Variants in RNF39 observed in about 807,000 individuals in gnomAD.
The protein encoded by RNF39 is LTP (long-term potentiation) induced RING finger protein.
A neutral mutation model predicts 29.2 loss-of-function variants in RNF39; 25 were observed. That is an observed-to-expected ratio of 0.86 (90% CI 0.62 to 1.20). The LOEUF (loss-of-function observed/expected upper bound fraction) is 1.20. Ranked by LOEUF, RNF39 falls within the 50% of genes most tolerant of loss-of-function variation. The pLI, the probability that RNF39 is intolerant of heterozygous loss-of-function variation, is 0.00. For synonymous variants in RNF39, 219 were observed against 229.0 expected, an observed-to-expected ratio of 0.96 and a Z score of 0.40; for missense variants, 519 against 515.0, an observed-to-expected ratio of 1.01 and a Z score of -0.08.
chr6:30,072,565 CTGT>C lies in RNF39; in HGVS notation c.478+589_478+591del. On this transcript the variant is annotated intron_variant, in intron 3 of 3. Transcript: ENST00000244360. The surrounding 1 kb of genome is among the most constrained non-coding windows in gnomAD (Gnocchi z 4.5). ...TGAGAGGCACCTAACCTTCAGGGAT[CTGT>C]TGTTTGAATGTATGAAAAAGGAAGA... Among the ~76,000 whole-genome samples the C allele has an allele frequency of 6.6e-6, 1 of 152,112 alleles. No individual in the cohort carries two copies. Among genetic ancestry groups the C allele is most frequent in the East Asian group, 1.9e-4 (1 of 5,178 alleles).
chr6:30,073,327 G>T, intron 2 of RNF39, 79 bp from the exon 3 acceptor site: 1 of 1,498,674 alleles, frequency 6.7e-7, no homozygotes, highest in South Asian at 1.1e-5. Flanking sequence ...CACATCTCTG[G>T]AGGAAGAAGG....
At position 30,071,360 on chromosome 6, in the gene RNF39, C is replaced by T. The variant is rs1489441870; in HGVS notation, c.810G>A (p.Glu270=). ...LCPAGAVWAV[E]GRGGRLWALT... is the part of the protein sequence containing the mutation. Reference sequence around the variant, plus strand: ...GGGCCCACAGGCGGCCGCCGCGGCCCTCCACGGCCCACACGGCCCCCGCAG... The same window carrying T: ...GGGCCCACAGGCGGCCGCCGCGGCCTTCCACGGCCCACACGGCCCCCGCAG... Residue 270 remains glutamate, a synonymous_variant, in exon 4 of 4, where the codon GAG becomes GAA. Coordinates refer to ENST00000244360, the MANE Select transcript of RNF39 (RefSeq NM_025236.4). The surrounding 1 kb of genome is among the most constrained non-coding windows in gnomAD (Gnocchi z 5.0). The T allele has an allele frequency of 1.4e-6, 2 of 1,465,920 alleles. No individual in the cohort carries two copies. Among genetic ancestry groups the T allele is most frequent in the South Asian group, 1.4e-5 (1 of 70,090 alleles). 90.8% of individuals were successfully genotyped at this position (1,465,920 alleles called of 1,614,324 possible). A position where few individuals can be genotyped will look rare whatever the true frequency, so the allele number is the denominator to read the frequency against.
At position 30,070,572 on chromosome 6, in the gene RNF39, C is replaced by A; in HGVS notation, c.*539G>T. On this transcript the variant is annotated 3_prime_UTR_variant, in exon 4 of 4. Transcript: ENST00000244360. ...GGGAACTAGCTTGTCCCTCCCCACC[C>A]CCAGATCCTGCAAAAGAGGTACAAA... is the stretch of plus-strand genomic sequence containing the variant. 3.2e-6 allele frequency: 1 copy of A among 309,166 alleles called. No individual in the cohort carries two copies. Among genetic ancestry groups the A allele is most frequent in the Non-Finnish European group, 6.4e-6 (1 of 155,708 alleles). 19.2% of individuals were successfully genotyped at this position (309,166 alleles called of 1,614,324 possible).
Position 30,074,992 on chromosome 6 carries a change from C to T in RNF39, c.363+231G>A, listed in dbSNP as rs946130815. 2.0e-5 allele frequency among the ~76,000 whole-genome samples: 3 copies of T among 152,144 alleles called. No homozygotes were observed. The highest frequency in any genetic ancestry group is 2.9e-5 in the Non-Finnish European group (2 of 68,018). On this transcript the variant is annotated intron_variant, in intron 1 of 3. Coordinates refer to ENST00000244360, the MANE Select transcript of RNF39 (RefSeq NM_025236.4). The surrounding 1 kb of genome is among the most constrained non-coding windows in gnomAD (Gnocchi z 4.1). ...AGCCCCTCTCACAAGGCTCAGGCATCGGTCCAGCCTCCTCCCCTGTGGACC... is the reference window on the plus strand; with the variant it reads ...AGCCCCTCTCACAAGGCTCAGGCATTGGTCCAGCCTCCTCCCCTGTGGACC...
At position 30,071,586 on chromosome 6, in the gene RNF39, C is replaced by A; in HGVS notation, c.584G>T (p.Gly195Val). Residue 195 changes from glycine (G) to valine (V), a missense_variant, in exon 4 of 4, where the codon GGC becomes GTC. By Grantham distance (109) the Gly-to-Val change is moderately radical. Coordinates refer to ENST00000244360, the MANE Select transcript of RNF39 (RefSeq NM_025236.4). The surrounding 1 kb of genome is among the most constrained non-coding windows in gnomAD (Gnocchi z 5.0). ...TGGGAGCTGATCGAAGCGCTTGGGG[C>A]CGTCAGGGGGCGCGGGCGTCCCTGG... ...APPGTPAPPD[G>V]PKRFDQLPAV... 6.8e-7 allele frequency: 1 copy of A among 1,475,696 alleles called. No individual in the cohort carries two copies. Among genetic ancestry groups the A allele is most frequent in the South Asian group, 1.3e-5 (1 of 76,346 alleles). The allele number at this position is 1,475,696 out of a possible 1,614,324, so 91.4% of individuals were successfully genotyped here. A position where few individuals can be genotyped will look rare whatever the true frequency, so the allele number is the denominator to read the frequency against.
Position 30,075,341 on chromosome 6 carries a change from G to T in RNF39, c.245C>A (p.Ala82Glu). 1 of 1,590,726 alleles carries T rather than the reference G, an allele frequency of 6.3e-7. No homozygotes were observed. ...RRSLRSNVRLAVEVRISRELR... is the reference protein window; with the variant it reads ...RRSLRSNVRLEVEVRISRELR... ...CTCGCGGCTGATTCGCACCTCCACC[G>T]CCAGCCGCACATTAGACCTCAGGCT... The change falls in exon 1 of 4, where the codon GCG (alanine) becomes GAG (glutamate). Residue 82 changes from alanine to glutamate, a missense_variant. Transcript: ENST00000244360.
rs565673977 is a variant in RNF39 at position 30,071,477 on chromosome 6, A to G, written c.693T>C (p.Ser231=). Residue 231 remains serine, a synonymous_variant, in exon 4 of 4, where the codon TCT becomes TCC. Coordinates refer to ENST00000244360, the MANE Select transcript of RNF39 (RefSeq NM_025236.4). This position sits in a 1 kb window ranked among gnomAD's most constrained non-coding sequence, Gnocchi z 5.0. The part of the protein sequence containing the change: ...ETADAASCRD[S]SGEDADDEES... ...CCTCGTCGTCCGCATCCTCCCCAGA[A>G]GAGTCTCTGCAGGAGGCGGCGTCCG... The G allele has an allele frequency of 2.5e-6, 4 of 1,569,656 alleles. No homozygotes were observed. The South Asian group carries it at 4.6e-5, about 18-fold the overall frequency.
At chr6:30,073,094 A>C in intron 3 of RNF39, 63 bp downstream of exon 3, 1 of 1,215,992 alleles carries the variant, frequency 8.2e-7, no homozygotes, top group South Asian at 1.2e-5. Context: ...TTTAGGGCTA[A>C]AAGGAAGAAA....
rs888308814 is a variant in RNF39, at chr6:30,070,977, C to G, written c.*134G>C. ...CAGGTGAGGTCTCATTATTTTGGGG[C>G]GAAAATGTGGGTTGCTATTAATACT... On this transcript the variant is annotated 3_prime_UTR_variant, in exon 4 of 4. Transcript: ENST00000244360. 1.2e-6 allele frequency: 1 copy of G among 822,104 alleles called. No individual in the cohort carries two copies. The allele number at this position is 822,104 out of a possible 1,614,324, so 50.9% of individuals were successfully genotyped here. A position where few individuals can be genotyped will look rare whatever the true frequency, so the allele number is the denominator to read the frequency against.
chr6:30,073,024 G>A lies in RNF39; in HGVS notation c.478+133C>T, dbSNP rs865831787. The A allele has an allele frequency of 5.3e-4, 349 of 657,844 alleles. 7 individuals carry two copies. The Middle Eastern group carries it at 0.012, about 22-fold the overall frequency. 40.8% of individuals were successfully genotyped at this position (657,844 alleles called of 1,614,324 possible). Reference sequence around the variant, plus strand: ...TGTTGTTTCAGCCACCTACTTTGCGGTGCTTCATTAGAGCAGTACTAGGAA... The same window carrying A: ...TGTTGTTTCAGCCACCTACTTTGCGATGCTTCATTAGAGCAGTACTAGGAA... On this transcript the variant is annotated intron_variant, in intron 3 of 3. Transcript: ENST00000244360.
rs1458618342 is a variant in RNF39, at chr6:30,074,593, C to T, written c.363+630G>A. ...ACAGGGCTTAGCTTGAGCCAGAGTCCGAGACCAACCCCCACGACGCTACGG... is the reference window on the plus strand; with the variant it reads ...ACAGGGCTTAGCTTGAGCCAGAGTCTGAGACCAACCCCCACGACGCTACGG... On this transcript the variant is annotated intron_variant, in intron 1 of 3. Coordinates refer to ENST00000244360, the MANE Select transcript of RNF39 (RefSeq NM_025236.4). This position sits in a 1 kb window ranked among gnomAD's most constrained non-coding sequence, Gnocchi z 4.1. 6.6e-6 allele frequency among the ~76,000 whole-genome samples: 1 copy of T among 152,094 alleles called. No individual in the cohort carries two copies. Among genetic ancestry groups the T allele is most frequent in the Non-Finnish European group, 1.5e-5 (1 of 68,006 alleles).
Position 30,074,547 on chromosome 6 carries a change from G to A in RNF39, c.363+676C>T, listed in dbSNP as rs1055641651. Reference sequence around the variant, plus strand: ...CCTGCCTGGGGCCTTGGGAGGAGCCGAAATAACAATAACAAACAACACAGG... The same window carrying A: ...CCTGCCTGGGGCCTTGGGAGGAGCCAAAATAACAATAACAAACAACACAGG... On this transcript the variant is annotated intron_variant, in intron 1 of 3. Transcript: ENST00000244360. The surrounding 1 kb of genome is among the most constrained non-coding windows in gnomAD (Gnocchi z 4.1). 2.0e-5 allele frequency among the ~76,000 whole-genome samples: 3 copies of A among 151,990 alleles called. No individual in the cohort carries two copies. The highest frequency in any genetic ancestry group is 2.9e-5 in the Non-Finnish European group (2 of 67,982).
Position 30,071,243 on chromosome 6 carries a change from G to A in RNF39, c.927C>T (p.Ala309=). ...VDLDWERGRV[A]FYDGRSLDLL... The stretch of plus-strand genomic sequence containing the variant: ...GGTCGAGTGAGCGGCCGTCGTAGAA[G>A]GCCACGCGGCCCCGCTCCCAGTCCA... Residue 309 remains alanine (A), a synonymous_variant, in exon 4 of 4, where the codon GCC becomes GCT. Coordinates refer to ENST00000244360, the MANE Select transcript of RNF39 (RefSeq NM_025236.4). The surrounding 1 kb of genome is among the most constrained non-coding windows in gnomAD (Gnocchi z 5.0). The A allele has an allele frequency of 6.6e-7, 1 of 1,511,974 alleles. No individual in the cohort carries two copies. Among genetic ancestry groups the A allele is most frequent in the Non-Finnish European group, 8.8e-7 (1 of 1,133,290 alleles). 93.7% of individuals were successfully genotyped at this position (1,511,974 alleles called of 1,614,324 possible). A position where few individuals can be genotyped will look rare whatever the true frequency, so the allele number is the denominator to read the frequency against.
Position 30,075,529 on chromosome 6 carries a change from C to T in RNF39, c.57G>A (p.Thr19=). 1 of 1,584,732 alleles carries T rather than the reference C, an allele frequency of 6.3e-7. No individual in the cohort carries two copies. The highest frequency in any genetic ancestry group is 8.6e-7 in the Non-Finnish European group (1 of 1,167,686). ...GLVERLEQLA[T]CPLCGGSFED... ...CGAAGGAGCCCCCGCACAGAGGACA[C>T]GTCGCCAGCTGCTCCAGACGCTCCA... Residue 19 remains threonine (T), a synonymous_variant, in exon 1 of 4, where the codon ACG becomes ACA. Transcript: ENST00000244360.
Position 30,075,463 on chromosome 6 carries a change from G to A in RNF39, c.123C>T (p.Arg41=). The part of the protein sequence containing the change: ...VLLACEHSFC[R]ACLARRWGTP... ...TCCCCCAGCGGCGGGCCAGACACGC[G>A]CGGCAGAAGCTGTGCTCGCACGCCA... The change falls in exon 1 of 4, where the codon CGC becomes CGT. Residue 41 remains arginine, a synonymous_variant. Transcript: ENST00000244360. 6.5e-7 allele frequency: 1 copy of A among 1,550,008 alleles called. No homozygotes were observed.
rs915795764 is a variant in RNF39, at chr6:30,075,240, G to A, written c.346C>T (p.Leu116=). The A allele has an allele frequency of 1.3e-6, 2 of 1,596,120 alleles. No homozygotes were observed. Among genetic ancestry groups the A allele is most frequent in the African/African-American group, 2.7e-5 (2 of 74,574 alleles). Residue 116 remains leucine, a synonymous_variant, in exon 1 of 4, where the codon CTG becomes TTG. Transcript: ENST00000244360. The stretch of plus-strand genomic sequence containing the variant: ...AGCCTCACCTCTCCGGGCAGGTCCA[G>A]GCAGCCCATGGTGGGGATGCGCCCC... ...RGGRIPTMGC[L]DLPGEDMRKT...
rs1248772642 is a variant in RNF39, at chr6:30,070,804, G to C, written c.*307C>G. On this transcript the variant is annotated 3_prime_UTR_variant, in exon 4 of 4. Transcript: ENST00000244360. ...CATGGTCACTTTACCAATACTGATG[G>C]GGAGGGCCTGTTCCCCATTGCAGGC... is the stretch of plus-strand genomic sequence containing the variant. 2 of 632,428 alleles carry C rather than the reference G, an allele frequency of 3.2e-6. No homozygotes were observed. Among genetic ancestry groups the C allele is most frequent in the Admixed American group, 4.2e-5 (2 of 47,706 alleles). The allele number at this position is 632,428 out of a possible 1,614,324, so 39.2% of individuals were successfully genotyped here.
At position 30,070,869 on chromosome 6, in the gene RNF39, G is replaced by C. The variant is rs1361127651; in HGVS notation, c.*242C>G. The C allele has an allele frequency of 1.4e-6, 1 of 697,314 alleles. No homozygotes were observed. Among genetic ancestry groups the C allele is most frequent in the African/African-American group, 1.7e-5 (1 of 57,146 alleles). The allele number at this position is 697,314 out of a possible 1,614,324, so 43.2% of individuals were successfully genotyped here. Reference sequence around the variant, plus strand: ...ATGGGAGAAGTCAGGAAGTACTGTAGTAGCTGTAGGGGAGAGAAGATTCTG... The same window carrying C: ...ATGGGAGAAGTCAGGAAGTACTGTACTAGCTGTAGGGGAGAGAAGATTCTG... On this transcript the variant is annotated 3_prime_UTR_variant, in exon 4 of 4. Transcript: ENST00000244360.
rs967671013 is a variant in RNF39, at chr6:30,075,712, T to C, written c.-127A>G. 3 of 1,614,068 alleles carry C rather than the reference T, an allele frequency of 1.9e-6. No individual in the cohort carries two copies. The highest frequency in any genetic ancestry group is 2.7e-5 in the African/African-American group (2 of 74,930). Reference sequence around the variant, plus strand: ...TCTCTCCGACTCCCGCATTAACTTTTGCCGCTTTCCGCCCCTCTCCTGGGA... The same window carrying C: ...TCTCTCCGACTCCCGCATTAACTTTCGCCGCTTTCCGCCCCTCTCCTGGGA... On this transcript the variant is annotated 5_prime_UTR_variant, in exon 1 of 4. Coordinates refer to ENST00000244360, the MANE Select transcript of RNF39 (RefSeq NM_025236.4).
Sources: gnomAD v4.1 joint callset for allele counts (sites outside exome capture counted in the v4.1 genomes callset) on GRCh38, gnomAD v4.1.1 for gene constraint, Gnocchi (gnomAD v3.1) non-coding constraint, MANE v1.5 for transcripts, NCBI Gene and HGNC (gene_info 2026-07-23, HGNC 2026-07-21) for gene names.